Variants in RIOK1 observed in about 807,000 individuals in gnomAD.
The protein encoded by RIOK1 is serine/threonine-protein kinase RIO1.
RIOK1 carries 66 observed loss-of-function variants against 73.5 expected under a neutral mutation model. That is an observed-to-expected ratio of 0.90 (90% CI 0.74 to 1.10). RIOK1 has a LOEUF of 1.10. Among genes scored for constraint, RIOK1 ranks in the 50% least tolerant of loss-of-function variants. The pLI is 0.00. For missense variants in RIOK1, 658 were observed against 699.8 expected, an observed-to-expected ratio of 0.94 and a Z score of 0.67; for synonymous variants, 224 against 226.8, an observed-to-expected ratio of 0.99 and a Z score of 0.11.
chr6:7,394,587 A>G (rs9505196), intron 2 of RIOK1, among the ~76,000 whole-genome samples: 10,954 of 152,240 alleles, frequency 0.072, 787 homozygotes, highest in African/African-American at 0.19. Flanking sequence ...GAGCAATTTC[A>G]TTATTGAAGT....
At chr6:7,409,671 A>G (rs1761837974) in intron 12 of RIOK1, among the ~76,000 whole-genome samples, 2 of 151,248 alleles carry the variant, frequency 1.3e-5, no homozygotes, top group Non-Finnish European at 2.9e-5. Context: ...GAGTTTCCCC[A>G]TATTGCCCAG....
intron 1 of RIOK1, among the ~76,000 whole-genome samples, chr6:7,392,140 T>A (rs980028652): frequency 6.6e-6 from 1 of 151,768 alleles, no homozygotes; most frequent in African/African-American, 2.4e-5. Context: ...TTTGTAAAAA[T>A]TGACTATGCC....
chr6:7,417,427 A>C lies in RIOK1; in HGVS notation c.1693A>C (p.Lys565Gln). Residue 565 changes from lysine to glutamine, a missense_variant, in exon 17 of 17, where the codon AAA becomes CAA. Physicochemically the swap from Lys to Gln is moderately conservative, Grantham distance 53 (BLOSUM62 1). Coordinates refer to ENST00000379834, the MANE Select transcript of RIOK1 (RefSeq NM_031480.3). Reference protein sequence around the residue: ...KKRKEKTAKTKKGK With the variant: ...KKRKEKTAKTQKGK Reference sequence around the variant, plus strand: ...AAGAAAGGAGAAGACAGCCAAGACGAAAAAAGGCAAATAGAATGAGAACCA... The same window carrying C: ...AAGAAAGGAGAAGACAGCCAAGACGCAAAAAGGCAAATAGAATGAGAACCA... The C allele has an allele frequency of 6.5e-7, 1 of 1,542,632 alleles. No homozygotes were observed. The highest frequency in any genetic ancestry group is 8.7e-7 in the Non-Finnish European group (1 of 1,143,550).
chr6:7,416,479 T>C (rs62386200), intron 16 of RIOK1, among the ~76,000 whole-genome samples: 1 of 151,988 alleles, frequency 6.6e-6, no homozygotes, highest in Non-Finnish European at 1.5e-5. Flanking sequence ...AAACCCTATC[T>C]CTACTAAAAA....
At chr6:7,411,591 T>A in intron 14 of RIOK1, 140 bp downstream of exon 14, 1 of 859,340 alleles carries the variant, frequency 1.2e-6, no homozygotes, top group Non-Finnish European at 1.8e-6. Context: ...CTATCTGTGT[T>A]AACTTGTGTG....
At position 7,391,385 on chromosome 6, in the gene RIOK1, A is replaced by G. The variant is rs71559161; in HGVS notation, c.71+1312A>G. Among the ~76,000 whole-genome samples the G allele has an allele frequency of 9.0e-3, 1,368 of 152,304 alleles. 11 individuals carry two copies. The highest frequency in any genetic ancestry group is 0.014 in the South Asian group (69 of 4,822). On this transcript the variant is annotated intron_variant, in intron 1 of 16. Transcript: ENST00000379834. Reference sequence around the variant, plus strand: ...AGGAGAAGTGGGGGAAAAATAGGGAAGACTTCCTTGAGCAAGTGATAGTGA... The same window carrying G: ...AGGAGAAGTGGGGGAAAAATAGGGAGGACTTCCTTGAGCAAGTGATAGTGA...
In RIOK1 at chr6:7,405,285, T is replaced by C. The variant is rs35282481; in HGVS notation, c.1133T>C (p.Val378Ala). ...FMRHSVAVMT[V>A]RELFEFVTDP... ...AGGCACAGTGTTGCTGTCATGACTG[T>C]GCGGGAGCTCTTTGAATTTGTCACA... Residue 378 changes from valine to alanine, a missense_variant, in exon 12 of 17, where the codon GTG becomes GCG. Val to Ala is a moderately conservative substitution (Grantham distance 64). Transcript: ENST00000379834. The C allele has an allele frequency of 4.6e-5, 75 of 1,613,458 alleles. No individual in the cohort carries two copies. The highest frequency in any genetic ancestry group is 1.7e-5 in the Admixed American group (1 of 60,002).
intron 10 of RIOK1, 141 bp from the exon 11 acceptor site, chr6:7,404,777 C>A: frequency 1.1e-6 from 1 of 880,648 alleles, no homozygotes; most frequent in Non-Finnish European, 1.7e-6. Flanking sequence ...CCAGTTCCAT[C>A]TGTTAGTCAA....
chr6:7,395,153 CA>C lies in RIOK1; in HGVS notation c.367+14del, dbSNP rs1403227522. The C allele has an allele frequency of 1.2e-6, 2 of 1,605,054 alleles. No individual in the cohort carries two copies. The highest frequency in any genetic ancestry group is 1.1e-5 in the South Asian group (1 of 89,488). Reference sequence around the variant, plus strand: ...AATAAAATTAATTTAGGTGAGTTTACAAAATACATCACTGGGCTAAGAGGAC... The same window carrying C: ...AATAAAATTAATTTAGGTGAGTTTACAAATACATCACTGGGCTAAGAGGAC... On this transcript the variant is annotated intron_variant, in intron 3 of 16. Transcript: ENST00000379834.
chr6:7,396,571 G>A (rs1474738254), intron 3 of RIOK1, 132 bp from the exon 4 acceptor site: 3 of 515,154 alleles, frequency 5.8e-6, no homozygotes, highest in South Asian at 3.4e-5. Flanking sequence ...TTACTAAACT[G>A]TATTCTATTT....
At chr6:7,409,385 CTG>C in intron 12 of RIOK1, among the ~76,000 whole-genome samples, 1 of 152,188 alleles carries the variant, frequency 6.6e-6, no homozygotes, top group East Asian at 1.9e-4. Flanking sequence ...CTCCAAGTAA[CTG>C]AGATTTCAGG....
intron 4 of RIOK1, among the ~76,000 whole-genome samples, 156 bp from the exon 5 acceptor site, chr6:7,398,542 T>C (rs896841563): frequency 4.6e-5 from 7 of 152,222 alleles, no homozygotes; most frequent in Non-Finnish European, 1.0e-4. Context: ...GAAGAAAGTT[T>C]CACTGAGTAA....
At chr6:7,392,157 GGGAT>G (rs912286584) in intron 1 of RIOK1, among the ~76,000 whole-genome samples, 6 of 151,386 alleles carry the variant, frequency 4.0e-5, no homozygotes, top group Non-Finnish European at 7.4e-5. Context: ...TGCCAGTGAA[GGGAT>G]AGATTTTACA....
Position 7,389,903 on chromosome 6 carries a change from C to T in RIOK1, c.-100C>T. The stretch of plus-strand genomic sequence containing the variant: ...GTTGGCTTCTGAATGGTTTGCAAGG[C>T]GGATATCCACGCCAAGGCCTTTGGA... On this transcript the variant is annotated 5_prime_UTR_variant, in exon 1 of 17. Coordinates refer to ENST00000379834, the MANE Select transcript of RIOK1 (RefSeq NM_031480.3). The T allele has an allele frequency of 4.5e-6, 4 of 881,440 alleles. No individual in the cohort carries two copies. Among genetic ancestry groups the T allele is most frequent in the Non-Finnish European group, 7.0e-6 (4 of 574,372 alleles). The allele number at this position is 881,440 out of a possible 1,614,324, so 54.6% of individuals were successfully genotyped here.
Position 7,402,305 on chromosome 6 carries a change from T to C in RIOK1, c.574-298T>C, listed in dbSNP as rs559090089. Among the ~76,000 whole-genome samples, 108 of 152,282 alleles carry C rather than the reference T, an allele frequency of 7.1e-4. 1 individual carries two copies. Among genetic ancestry groups the C allele is most frequent in the African/African-American group, 2.4e-3 (100 of 41,566 alleles). ...TGGTAAATATTTATCTATCTAAACA[T>C]AGAAAAAGTACAGTAAAAATACCTG... On this transcript the variant is annotated intron_variant, in intron 6 of 16. Transcript: ENST00000379834.
At chr6:7,412,861 A>ATTT in intron 14 of RIOK1, 28 bp from the exon 15 acceptor site, 9 of 1,012,544 alleles carry the variant, frequency 8.9e-6, no homozygotes, top group Admixed American at 3.0e-5. Context: ...GTTGATCCTT[A>ATTT]TTTTTTTTTT....
intron 3 of RIOK1, 71 bp downstream of exon 3, chr6:7,395,214 A>G: frequency 6.6e-7 from 1 of 1,515,228 alleles, no homozygotes; most frequent in Non-Finnish European, 9.0e-7. Context: ...GTATAATTTT[A>G]TTAGATCAAG....
intron 12 of RIOK1, among the ~76,000 whole-genome samples, chr6:7,407,163 T>C (rs561438740): frequency 7.2e-5 from 11 of 152,328 alleles, no homozygotes; most frequent in South Asian, 6.2e-4. Flanking sequence ...GAAGTAGAAT[T>C]GCTGGATCAA....
intron 14 of RIOK1, among the ~76,000 whole-genome samples, chr6:7,412,360 C>CA (rs555194421): frequency 3.5e-3 from 381 of 107,638 alleles, no homozygotes; most frequent in African/African-American, 7.4e-3. Context: ...AACTCTGTCT[C>CA]AAAAAAAAAA....
Sources: allele counts gnomAD v4.1 joint callset (sites outside exome capture counted in the v4.1 genomes callset), GRCh38; gene constraint gnomAD v4.1.1; transcripts MANE v1.5; gene names NCBI Gene and HGNC (gene_info 2026-07-23, HGNC 2026-07-21).